Variants in TRAPPC10 observed in about 807,000 individuals in gnomAD.
TRAPPC10 encodes the protein trafficking protein particle complex subunit 10.
TRAPPC10 carries 23 observed loss-of-function variants against 125.5 expected under a neutral mutation model. The ratio of observed to expected loss-of-function variants is 0.18; its 90% CI spans 0.13 to 0.26. The LOEUF (loss-of-function observed/expected upper bound fraction) is 0.26. Among genes scored for constraint, TRAPPC10 ranks in the 10% least tolerant of loss-of-function variants. The probability of loss-of-function intolerance (pLI) is 1.00; values close to 1 mark genes in which losing one functional copy is unlikely to be tolerated. For missense variants in TRAPPC10, 1,123 were observed against 1,308.4 expected (o/e 0.86, Z 2.19); for synonymous variants, 509 against 518.0 (o/e 0.98, Z 0.24).
At chr21:44,044,948 G>C (rs1275170664) in intron 3 of TRAPPC10, among the ~76,000 whole-genome samples, 2 of 151,956 alleles carry the variant, frequency 1.3e-5, no homozygotes, top group African/African-American at 4.8e-5. Flanking sequence ...TTACAGGTGT[G>C]AGCCACTGCA....
chr21:44,085,084 G>A (rs1346102795), intron 15 of TRAPPC10, among the ~76,000 whole-genome samples: 1 of 152,100 alleles, frequency 6.6e-6, no homozygotes, highest in Non-Finnish European at 1.5e-5. Flanking sequence ...TGAGCAACTC[G>A]ACCTTCAGCC....
intron 20 of TRAPPC10, among the ~76,000 whole-genome samples, chr21:44,094,971 GAATA>G (rs2058871923): frequency 6.7e-6 from 1 of 149,736 alleles, no homozygotes; most frequent in Non-Finnish European, 1.5e-5. Flanking sequence ...AAATTTAAAT[GAATA>G]AATAAAACCA....
intron 5 of TRAPPC10, among the ~76,000 whole-genome samples, chr21:44,058,508 G>A (rs1344665400): frequency 2.0e-5 from 3 of 152,230 alleles, no homozygotes; most frequent in South Asian, 4.1e-4. Context: ...GGGGAAGACC[G>A]TGGGTGGAGC....
chr21:44,081,129 C>G lies in TRAPPC10; in HGVS notation c.1723+1002C>G, dbSNP rs1448518998. 2.0e-5 allele frequency among the ~76,000 whole-genome samples: 3 copies of G among 146,804 alleles called. No individual in the cohort carries two copies. In the East Asian group the frequency reaches 6.3e-4, roughly 31 times the overall value. ...CTTCTGGAGTCAAGAGATCCTCTTA[C>G]TTTGGCTTCCTGAGTGGCAGGGACC... On this transcript the variant is annotated intron_variant, in intron 13 of 22. Coordinates refer to ENST00000291574, the MANE Select transcript of TRAPPC10 (RefSeq NM_003274.5).
chr21:44,062,527 C>T (rs756385076), intron 6 of TRAPPC10: 118 of 984,848 alleles, frequency 1.2e-4, no homozygotes, highest in Non-Finnish European at 1.4e-4. Flanking sequence ...GGGAGTGCCC[C>T]GTGAGAATCC....
chr21:44,064,812 A>G (rs776828338), intron 7 of TRAPPC10, among the ~76,000 whole-genome samples: 6 of 152,236 alleles, frequency 3.9e-5, no homozygotes, highest in Admixed American at 1.3e-4. Context: ...AGCTAAGCTC[A>G]TTAGTACCTA....
chr21:44,055,577 CAAA>C (rs548421815), intron 4 of TRAPPC10, 118 bp from the exon 5 acceptor site: 4,449 of 584,096 alleles, frequency 7.6e-3, no homozygotes, highest in South Asian at 0.012. Context: ...AACTCTGTCT[CAAA>C]AAAAAAAAAA....
In TRAPPC10 at chr21:44,092,619, C is replaced by A. The variant is rs370315980; in HGVS notation, c.2997+570C>A. 1.1e-4 allele frequency among the ~76,000 whole-genome samples: 15 copies of A among 138,846 alleles called. No homozygotes were observed. The East Asian group carries it at 2.5e-3, about 23-fold the overall frequency. The allele number at this position is 138,846 out of a possible 152,430, so 91.1% of individuals were successfully genotyped here. A position where few individuals can be genotyped will look rare whatever the true frequency, so the allele number is the denominator to read the frequency against. On this transcript the variant is annotated intron_variant, in intron 19 of 22. Transcript: ENST00000291574. The stretch of plus-strand genomic sequence containing the variant: ...AGCATTTTCAAAGGATTTGCCCCCA[C>A]TAATCCTTTAGCTCTTTCAGATATC...
chr21:44,030,793 A>G (rs1011519953), intron 1 of TRAPPC10, among the ~76,000 whole-genome samples: 2 of 152,150 alleles, frequency 1.3e-5, no homozygotes, highest in African/African-American at 2.4e-5. Flanking sequence ...TAAGATGACT[A>G]CCAAATAAAT....
Position 44,059,486 on chromosome 21 carries a change from A to G in TRAPPC10, c.790+272A>G, listed in dbSNP as rs1043338174. ...CCAGGTATAAAATGTCCTTTCCACA[A>G]CTCAGTGGCCTGCTGGTGATGCTTC... is the stretch of plus-strand genomic sequence containing the variant. On this transcript the variant is annotated intron_variant, in intron 6 of 22. Coordinates refer to ENST00000291574, the MANE Select transcript of TRAPPC10 (RefSeq NM_003274.5). This position sits in a 1 kb window ranked among gnomAD's most constrained non-coding sequence, Gnocchi z 4.4. The G allele has an allele frequency of 5.3e-6, 4 of 755,154 alleles. No homozygotes were observed. The highest frequency in any genetic ancestry group is 1.7e-5 in the African/African-American group (1 of 58,550). 46.8% of individuals were successfully genotyped at this position (755,154 alleles called of 1,614,324 possible). A position where few individuals can be genotyped will look rare whatever the true frequency, so the allele number is the denominator to read the frequency against.
At chr21:44,028,745 C>T (rs2033299294) in intron 1 of TRAPPC10, among the ~76,000 whole-genome samples, 1 of 152,210 alleles carries the variant, frequency 6.6e-6, no homozygotes, top group South Asian at 2.1e-4. Context: ...AATAAATAGC[C>T]TCCTGAGGCA....
At chr21:44,084,649 G>A (rs933552941) in intron 15 of TRAPPC10, among the ~76,000 whole-genome samples, 3 of 152,182 alleles carry the variant, frequency 2.0e-5, no homozygotes, top group African/African-American at 4.8e-5. Flanking sequence ...AGTCGGTCCT[G>A]CAATTCAGTT....
intron 10 of TRAPPC10, 30 bp from the exon 11 acceptor site, chr21:44,077,663 G>A: frequency 1.4e-6 from 2 of 1,479,866 alleles, no homozygotes; most frequent in Non-Finnish European, 1.9e-6. Context: ...AAAAGTTCAA[G>A]TACATAATTG....
In TRAPPC10 at chr21:44,084,143, A is replaced by G. The variant is rs759731295; in HGVS notation, c.2260A>G (p.Thr754Ala). The change falls in exon 15 of 23, where the codon ACA (threonine) becomes GCA (alanine). Residue 754 changes from threonine (T) to alanine (A), a missense_variant. Thr to Ala is a moderately conservative substitution (Grantham distance 58). Coordinates refer to ENST00000291574, the MANE Select transcript of TRAPPC10 (RefSeq NM_003274.5). Reference sequence around the variant, plus strand: ...CTAGGCCAAGGAACCTGGAACGTATACACTCAGGCAGCTGTGCGCCTCGGT... The same window carrying G: ...CTAGGCCAAGGAACCTGGAACGTATGCACTCAGGCAGCTGTGCGCCTCGGT... ...RTQAKEPGTYTLRQLCASVGS... is the reference protein window; with the variant it reads ...RTQAKEPGTYALRQLCASVGS... 3.7e-6 allele frequency: 6 copies of G among 1,614,190 alleles called. No individual in the cohort carries two copies. Among genetic ancestry groups the G allele is most frequent in the South Asian group, 3.3e-5 (3 of 91,082 alleles).
rs1601812813 is a variant in TRAPPC10, at chr21:44,087,021, G to A, written c.2539+61G>A. 6.3e-7 allele frequency: 1 copy of A among 1,576,766 alleles called. No homozygotes were observed. Among genetic ancestry groups the A allele is most frequent in the Non-Finnish European group, 8.7e-7 (1 of 1,155,078 alleles). ...CCACCTTGCCCTGCACTGTGTGGGT[G>A]TGAGGGTGAGCCTGGCCTTGCTGCC... On this transcript the variant is annotated intron_variant, in intron 16 of 22. Transcript: ENST00000291574. The surrounding 1 kb of genome is among the most constrained non-coding windows in gnomAD (Gnocchi z 4.6).
intron 1 of TRAPPC10, among the ~76,000 whole-genome samples, chr21:44,029,489 TA>T (rs2033384513): frequency 6.6e-6 from 1 of 152,206 alleles, no homozygotes; most frequent in Non-Finnish European, 1.5e-5. Context: ...AAGAGTTTAT[TA>T]AAATAATGGT....
At chr21:44,068,249 G>A (rs879342003) in intron 7 of TRAPPC10, among the ~76,000 whole-genome samples, 3 of 152,116 alleles carry the variant, frequency 2.0e-5, no homozygotes, top group African/African-American at 4.8e-5. Flanking sequence ...TGAAGCTTAC[G>A]TGCTAAGGAA....
chr21:44,062,582 G>A (rs889489467), intron 6 of TRAPPC10: 9 of 985,212 alleles, frequency 9.1e-6, no homozygotes, highest in Middle Eastern at 5.2e-4. Context: ...TACAGGGCTG[G>A]GCTGGTACAG....
intron 1 of TRAPPC10, among the ~76,000 whole-genome samples, chr21:44,021,671 C>T (rs1290829751): frequency 2.6e-5 from 4 of 152,160 alleles, no homozygotes; most frequent in African/African-American, 4.8e-5. Context: ...CCCTACACAC[C>T]GAAGCCCTGA....
Sources: gnomAD v4.1 joint callset for allele counts (sites outside exome capture counted in the v4.1 genomes callset) on GRCh38, gnomAD v4.1.1 for gene constraint, Gnocchi (gnomAD v3.1) non-coding constraint, MANE v1.5 for transcripts, NCBI Gene and HGNC (gene_info 2026-07-23, HGNC 2026-07-21) for gene names.